The following WBP1L variants were observed in gnomAD, a reference collection of about 807,000 sequenced individuals.
WBP1L encodes the protein WW domain binding protein 1-like.
In WBP1L, 17 loss-of-function variants were observed where a neutral mutation model predicts 33.7. The ratio of observed to expected loss-of-function variants is 0.50; its 90% CI spans 0.34 to 0.76. The LOEUF is 0.76. WBP1L is among the 30% of genes least tolerant of loss of function. WBP1L has a pLI of 0.01. For synonymous variants in WBP1L, 173 were observed against 190.8 expected (o/e 0.91, Z 0.77); for missense variants, 389 against 469.4 (o/e 0.83, Z 1.58).
chr10:102,756,307 G>A (rs1320452386), intron 1 of WBP1L, among the ~76,000 whole-genome samples: 2 of 152,118 alleles, frequency 1.3e-5, no homozygotes, highest in Admixed American at 1.3e-4. Flanking sequence ...CTACTGAAGA[G>A]GCTGAGGCAG....
At position 102,815,247 on chromosome 10, in the gene WBP1L, C is replaced by A. The variant is rs1202548317; in HGVS notation, c.*1916C>A. ...CCCTGTGTTTGCCAGAGATACTGTG[C>A]TCGAAGTAGAGGTTTTACTCTACTC... On this transcript the variant is annotated 3_prime_UTR_variant, in exon 4 of 4. Transcript: ENST00000448841. 1.3e-5 allele frequency: 2 copies of A among 152,670 alleles called. No individual in the cohort carries two copies. Among genetic ancestry groups the A allele is most frequent in the Non-Finnish European group, 2.9e-5 (2 of 68,058 alleles). The allele number at this position is 152,670 out of a possible 1,614,324, so 9.5% of individuals were successfully genotyped here.
At chr10:102,782,127 C>G (rs1360563102) in intron 1 of WBP1L, among the ~76,000 whole-genome samples, 1 of 149,932 alleles carries the variant, frequency 6.7e-6, no homozygotes, top group African/African-American at 2.5e-5. Context: ...CACGGCCTGT[C>G]AAAGTGCTGG....
chr10:102,755,363 C>T (rs1473794853), intron 1 of WBP1L, among the ~76,000 whole-genome samples: 7 of 151,798 alleles, frequency 4.6e-5, no homozygotes, highest in South Asian at 2.1e-4. Flanking sequence ...CTCAAGTGTT[C>T]CTTCTGCCTT....
intron 1 of WBP1L, among the ~76,000 whole-genome samples, chr10:102,791,480 T>G (rs1362857123): frequency 6.6e-6 from 1 of 152,162 alleles, no homozygotes; most frequent in African/African-American, 2.4e-5. Context: ...GTTAAATGAT[T>G]TGGAGAACTG....
intron 1 of WBP1L, among the ~76,000 whole-genome samples, chr10:102,767,418 A>C (rs1843124443): frequency 6.6e-6 from 1 of 152,140 alleles, no homozygotes; most frequent in South Asian, 2.1e-4. Flanking sequence ...GTTACTCAGG[A>C]GCCTGAGGTG....
At chr10:102,781,377 G>A (rs1399764172) in intron 1 of WBP1L, among the ~76,000 whole-genome samples, 1 of 152,194 alleles carries the variant, frequency 6.6e-6, no homozygotes, top group Non-Finnish European at 1.5e-5. Flanking sequence ...ACCCATGAGG[G>A]AGGAGGTCTT....
intron 1 of WBP1L, among the ~76,000 whole-genome samples, chr10:102,745,362 A>G (rs1206003057): frequency 6.6e-6 from 1 of 152,202 alleles, no homozygotes; most frequent in African/African-American, 2.4e-5. Flanking sequence ...GGCATTTAGT[A>G]CACTTACAAT....
chr10:102,812,703 C>G lies in WBP1L; in HGVS notation c.464C>G (p.Pro155Arg), dbSNP rs1843862107. 2.5e-6 allele frequency: 4 copies of G among 1,613,984 alleles called. No homozygotes were observed. In the South Asian group the frequency reaches 4.4e-5, roughly 18 times the overall value. Residue 155 changes from proline to arginine, a missense_variant, in exon 4 of 4, where the codon CCT (proline) becomes CGT (arginine). Pro to Arg is a moderately radical substitution (Grantham distance 103). Transcript: ENST00000448841. Reference sequence around the variant, plus strand: ...CAGCTACAGCAGCAGCAGCTGCTGCCTCCACAGTGTGGCCCTGCAGGTGGC... The same window carrying G: ...CAGCTACAGCAGCAGCAGCTGCTGCGTCCACAGTGTGGCCCTGCAGGTGGC... ...AFQLQQQQLL[P>R]PQCGPAGGSP...
chr10:102,791,087 C>G (rs764331159), intron 1 of WBP1L, among the ~76,000 whole-genome samples: 15 of 151,904 alleles, frequency 9.9e-5, no homozygotes, highest in Non-Finnish European at 1.3e-4. Flanking sequence ...AATCTGTTCT[C>G]CCCCTCTGAG....
At chr10:102,781,236 C>G (rs953460693) in intron 1 of WBP1L, among the ~76,000 whole-genome samples, 5 of 152,140 alleles carry the variant, frequency 3.3e-5, no homozygotes, top group Non-Finnish European at 7.4e-5. Context: ...TGATAGCCAG[C>G]TAAAGCTGCA....
At chr10:102,805,769 A>G (rs1474626060) in intron 2 of WBP1L, among the ~76,000 whole-genome samples, 1 of 151,546 alleles carries the variant, frequency 6.6e-6, no homozygotes, top group Non-Finnish European at 1.5e-5. Flanking sequence ...GTGGTGGTGC[A>G]TGCCCGTAGT....
At chr10:102,755,273 T>TCTTG (rs1428822673) in intron 1 of WBP1L, among the ~76,000 whole-genome samples, 1 of 151,474 alleles carries the variant, frequency 6.6e-6, no homozygotes, top group Non-Finnish European at 1.5e-5. Flanking sequence ...AGAGGTAGGG[T>TCTTG]CTTGCTATGT....
intron 1 of WBP1L, among the ~76,000 whole-genome samples, chr10:102,767,152 T>G (rs552565327): frequency 6.6e-6 from 1 of 152,322 alleles, no homozygotes; most frequent in East Asian, 1.9e-4. Flanking sequence ...CATTAACTAT[T>G]GGTGAAGGCC....
chr10:102,744,149 G>A lies in WBP1L; in HGVS notation c.90+6G>A. The A allele has an allele frequency of 6.5e-7, 1 of 1,548,004 alleles. No homozygotes were observed. Among genetic ancestry groups the A allele is most frequent in the Non-Finnish European group, 8.7e-7 (1 of 1,145,268 alleles). ...CCAGGGCTGAACCCCCGCAGGTAAG[G>A]GGGAGGGGGCGTCTGGGCCATGTTG... is the stretch of plus-strand genomic sequence containing the variant. On this transcript the variant is annotated splice_donor_region_variant and intron_variant, in intron 1 of 3. Transcript: ENST00000448841.
intron 2 of WBP1L, among the ~76,000 whole-genome samples, chr10:102,798,783 T>G (rs1180975846): frequency 6.6e-6 from 1 of 152,206 alleles, no homozygotes; most frequent in Non-Finnish European, 1.5e-5. Context: ...CAGGCCACTC[T>G]AGATGGTCAC....
At chr10:102,756,768 C>T (rs987730280) in intron 1 of WBP1L, among the ~76,000 whole-genome samples, 3 of 152,134 alleles carry the variant, frequency 2.0e-5, no homozygotes, top group African/African-American at 2.4e-5. Context: ...AGTTTACATT[C>T]GCATCAATAG....
At chr10:102,751,469 A>C (rs1394124980) in intron 1 of WBP1L, among the ~76,000 whole-genome samples, 1 of 150,576 alleles carries the variant, frequency 6.6e-6, no homozygotes, top group East Asian at 2.0e-4. Context: ...ACCCACACCC[A>C]GTTAATTTTT....
intron 1 of WBP1L, among the ~76,000 whole-genome samples, chr10:102,778,935 G>A (rs1843301039): frequency 1.3e-5 from 2 of 152,144 alleles, no homozygotes; most frequent in South Asian, 4.1e-4. Context: ...AGAGGTGCAT[G>A]CTGAGGCTTA....
At position 102,815,222 on chromosome 10, in the gene WBP1L, C is replaced by A. The variant is rs1000903986; in HGVS notation, c.*1891C>A. On this transcript the variant is annotated 3_prime_UTR_variant, in exon 4 of 4. Transcript: ENST00000448841. ...CTCCGCAGCATTGTCGACTGCAGTC[C>A]CCTGTGTTTGCCAGAGATACTGTGC... is the stretch of plus-strand genomic sequence containing the variant. 1 of 152,620 alleles carries A rather than the reference C, an allele frequency of 6.6e-6. No homozygotes were observed. Among genetic ancestry groups the A allele is most frequent in the Admixed American group, 6.5e-5 (1 of 15,274 alleles). 9.5% of individuals were successfully genotyped at this position (152,620 alleles called of 1,614,324 possible).
Sources: allele counts gnomAD v4.1 joint callset (sites outside exome capture counted in the v4.1 genomes callset), GRCh38; gene constraint gnomAD v4.1.1; transcripts MANE v1.5; gene names NCBI Gene and HGNC (gene_info 2026-07-23, HGNC 2026-07-21).